Variants in RBFOX1 observed in about 807,000 individuals in gnomAD.
RBFOX1 encodes RNA binding protein fox-1 homolog 1.
In RBFOX1, 8 loss-of-function variants were observed where a neutral mutation model predicts 57.7. The ratio of observed to expected loss-of-function variants is 0.14; its 90% CI spans 0.08 to 0.25. The LOEUF (loss-of-function observed/expected upper bound fraction) is 0.25, where lower values mean the gene tolerates loss of function less well. RBFOX1 is among the 10% of genes least tolerant of loss of function. The pLI is 1.00. For missense variants in RBFOX1, 611 were observed against 548.5 expected (o/e 1.11, Z -1.14); for synonymous variants, 326 against 222.4 (o/e 1.47, Z -4.15).
At chr16:7,552,105 C>G (rs1254951770) in intron 5 of RBFOX1, among the ~76,000 whole-genome samples, 6 of 152,168 alleles carry the variant, frequency 3.9e-5, no homozygotes, top group Non-Finnish European at 7.4e-5. Flanking sequence ...CTCATTCTCT[C>G]CACCACCCGT....
intron 2 of RBFOX1, among the ~76,000 whole-genome samples, chr16:6,332,433 G>A (rs809684): frequency 0.33 from 49,441 of 152,074 alleles, 9,807 homozygotes; most frequent in African/African-American, 0.56. Flanking sequence ...AGAAAGGTTG[G>A]ATAGCAATTG....
At chr16:7,629,015 G>A (rs1013144450) in intron 10 of RBFOX1, among the ~76,000 whole-genome samples, 2 of 152,200 alleles carry the variant, frequency 1.3e-5, no homozygotes, top group Admixed American at 1.3e-4. Context: ...CCCAGAGAAG[G>A]TTAGTTAATT....
intron 3 of RBFOX1, among the ~76,000 whole-genome samples, chr16:6,988,382 A>G (rs550839074): frequency 6.6e-6 from 1 of 152,280 alleles, no homozygotes; most frequent in African/African-American, 2.4e-5. Context: ...ATGGTTATTG[A>G]GTGAGTTAAG....
At chr16:7,539,283 C>G (rs938929686) in intron 5 of RBFOX1, among the ~76,000 whole-genome samples, 3 of 152,136 alleles carry the variant, frequency 2.0e-5, no homozygotes, top group African/African-American at 7.2e-5. Flanking sequence ...GTCGGTTAAG[C>G]TGTGTTCTGA....
intron 3 of RBFOX1, among the ~76,000 whole-genome samples, chr16:5,745,015 A>G (rs948848983): frequency 2.0e-5 from 3 of 152,066 alleles, no homozygotes; most frequent in African/African-American, 7.2e-5. Context: ...ACATATGTAT[A>G]CGTGTGCCCT....
chr16:5,850,391 A>G (rs1397652279), intron 3 of RBFOX1, among the ~76,000 whole-genome samples: 3 of 152,200 alleles, frequency 2.0e-5, no homozygotes, highest in South Asian at 2.1e-4. Flanking sequence ...TCGAACCAGT[A>G]ACTCCATTCT....
intron 4 of RBFOX1, among the ~76,000 whole-genome samples, chr16:7,083,782 G>A (rs2059562715): frequency 6.6e-6 from 1 of 152,216 alleles, no homozygotes. Context: ...GCATGGGTCA[G>A]TTGTTAGTGG....
At chr16:7,271,933 C>A (rs1205739609) in intron 4 of RBFOX1, among the ~76,000 whole-genome samples, 1 of 152,136 alleles carries the variant, frequency 6.6e-6, no homozygotes, top group Admixed American at 6.5e-5. Flanking sequence ...CTGGAAATAT[C>A]CCCTCAGGCT....
intron 4 of RBFOX1, among the ~76,000 whole-genome samples, chr16:7,175,311 T>A (rs1218307038): frequency 6.6e-6 from 1 of 152,202 alleles, no homozygotes; most frequent in African/African-American, 2.4e-5. Flanking sequence ...GATCTTTCAA[T>A]GAAATAACCT....
chr16:7,200,476 T>C (rs1407492831), intron 4 of RBFOX1, among the ~76,000 whole-genome samples: 13 of 152,246 alleles, frequency 8.5e-5, no homozygotes, highest in Non-Finnish European at 1.8e-4. Flanking sequence ...TGTCAGACAC[T>C]GCAGTAGGCA....
chr16:5,785,283 C>T (rs1379053295), intron 3 of RBFOX1, among the ~76,000 whole-genome samples: 1 of 152,128 alleles, frequency 6.6e-6, no homozygotes, highest in East Asian at 1.9e-4. Flanking sequence ...TGGTATGTGG[C>T]AGGACATTTA....
chr16:7,442,363 G>A (rs1033928717), intron 4 of RBFOX1, among the ~76,000 whole-genome samples: 1 of 152,108 alleles, frequency 6.6e-6, no homozygotes, highest in Non-Finnish European at 1.5e-5. Flanking sequence ...AGAAGACAGA[G>A]ATCATTTTTG....
At chr16:7,478,779 A>G (rs1456781782) in intron 4 of RBFOX1, among the ~76,000 whole-genome samples, 2 of 152,196 alleles carry the variant, frequency 1.3e-5, no homozygotes, top group African/African-American at 4.8e-5. Flanking sequence ...TTTGTATGCT[A>G]CTTGCTAAAT....
intron 13 of RBFOX1, among the ~76,000 whole-genome samples, chr16:7,665,820 A>G (rs1390679240): frequency 6.6e-6 from 1 of 152,202 alleles, no homozygotes; most frequent in Non-Finnish European, 1.5e-5. Context: ...GATAGCAAAA[A>G]AATCATATTT....
At chr16:5,926,750 G>T (rs943408636) in intron 4 of RBFOX1, among the ~76,000 whole-genome samples, 1 of 152,130 alleles carries the variant, frequency 6.6e-6, no homozygotes, top group Non-Finnish European at 1.5e-5. Flanking sequence ...CCTCTGAAGG[G>T]GGTCCCTACA....
rs78024082 is a variant in RBFOX1 at position 6,777,395 on chromosome 16, C to T, written c.-16+122745C>T. On this transcript the variant is annotated intron_variant, in intron 3 of 15. Transcript: ENST00000550418. ...CCCTGAGAAAGAGAACCGAGGCAGG[C>T]GCTCGGGGAATGGAACAGGGACAAA... 2.4e-3 allele frequency among the ~76,000 whole-genome samples: 372 copies of T among 152,180 alleles called. 4 individuals carry two copies. Among genetic ancestry groups the T allele is most frequent in the African/African-American group, 5.8e-3 (240 of 41,516 alleles).
intron 3 of RBFOX1, among the ~76,000 whole-genome samples, chr16:5,703,551 T>C (rs1011125037): frequency 6.6e-6 from 1 of 152,196 alleles, no homozygotes; most frequent in African/African-American, 2.4e-5. Context: ...CATGGAAGCC[T>C]ATTTAAAGAT....
At chr16:7,303,699 A>G (rs1042125184) in intron 4 of RBFOX1, among the ~76,000 whole-genome samples, 11 of 152,032 alleles carry the variant, frequency 7.2e-5, no homozygotes, top group Admixed American at 6.5e-4. Context: ...AGTGAGCTTC[A>G]GTGTGAGTCA....
intron 10 of RBFOX1, among the ~76,000 whole-genome samples, chr16:7,625,754 C>T (rs539783655): frequency 3.3e-5 from 5 of 152,280 alleles, no homozygotes; most frequent in South Asian, 4.1e-4. Context: ...TAAAAGGGAA[C>T]GGGCAGACAT....
Sources: gnomAD v4.1 joint callset for allele counts (sites outside exome capture counted in the v4.1 genomes callset) on GRCh38, gnomAD v4.1.1 for gene constraint, MANE v1.5 for transcripts, NCBI Gene and HGNC (gene_info 2026-07-23, HGNC 2026-07-21) for gene names.